CFAP47: variants seen among roughly 807,000 people sequenced by gnomAD.
The protein encoded by CFAP47 is cilia- and flagella-associated protein 47.
CFAP47 carries 29 observed loss-of-function variants against 148.1 expected under a neutral mutation model. The ratio of observed to expected loss-of-function variants is 0.20; its 90% CI spans 0.15 to 0.27. The LOEUF is 0.27. Among genes scored for constraint, CFAP47 ranks in the 10% least tolerant of loss-of-function variants. The probability of loss-of-function intolerance (pLI) is 1.00; values close to 1 mark genes in which losing one functional copy is unlikely to be tolerated. For missense variants in CFAP47, 1,872 were observed against 1,697.5 expected (o/e 1.10, Z -1.81); for synonymous variants, 664 against 577.3 (o/e 1.15, Z -2.15).
chrX:36,081,271 C>T (rs1937976770), intron 29 of CFAP47, among the ~76,000 whole-genome samples: 1 of 111,236 alleles, frequency 9.0e-6, no homozygotes, highest in African/African-American at 3.3e-5. Context: ...TTCCTGGAAG[C>T]ACACATCCTC....
intron 33 of CFAP47, among the ~76,000 whole-genome samples, chrX:36,119,048 T>A (rs1467564698): frequency 8.9e-6 from 1 of 111,856 alleles, no homozygotes; most frequent in Non-Finnish European, 1.9e-5. Context: ...CTTTACCAAT[T>A]TGGATGCTTA....
intron 18 of CFAP47, among the ~76,000 whole-genome samples, chrX:35,996,147 T>A (rs778826158): frequency 1.8e-5 from 2 of 110,898 alleles, no homozygotes; most frequent in Non-Finnish European, 3.8e-5. Flanking sequence ...GCCAGGAGTT[T>A]TGGATGAATA....
At chrX:36,229,632 T>C (rs1433424991) in intron 46 of CFAP47, among the ~76,000 whole-genome samples, 1 of 110,767 alleles carries the variant, frequency 9.0e-6, no homozygotes, top group African/African-American at 3.3e-5. Context: ...TATTATACTT[T>C]AGGTTTTAGG....
At chrX:36,089,576 T>C (rs942021768) in intron 30 of CFAP47, among the ~76,000 whole-genome samples, 15 of 111,010 alleles carry the variant, frequency 1.4e-4, no homozygotes, top group African/African-American at 4.9e-4. Context: ...GATATAGGCT[T>C]ATATTCCAAC....
intron 57 of CFAP47, among the ~76,000 whole-genome samples, chrX:36,327,896 G>T (rs1330466647): frequency 2.7e-5 from 3 of 110,855 alleles, no homozygotes; most frequent in Admixed American, 9.6e-5. Context: ...TTATAAGTGG[G>T]AGAGAAACAT....
At chrX:36,096,208 C>G (rs1452102421) in intron 30 of CFAP47, among the ~76,000 whole-genome samples, 1 of 111,125 alleles carries the variant, frequency 9.0e-6, no homozygotes, top group Non-Finnish European at 1.9e-5. Flanking sequence ...TCAGAAGATG[C>G]TTGATATAAT....
At chrX:36,134,630 C>A (rs746842590) in intron 33 of CFAP47, among the ~76,000 whole-genome samples, 1 of 111,227 alleles carries the variant, frequency 9.0e-6, no homozygotes, top group South Asian at 3.7e-4. Flanking sequence ...CTAAAATTAT[C>A]TCAAAGTAGA....
At chrX:36,373,696 G>A (rs782534878) in intron 62 of CFAP47, among the ~76,000 whole-genome samples, 1 of 111,784 alleles carries the variant, frequency 8.9e-6, no homozygotes, top group South Asian at 3.7e-4. Context: ...TGATTATGAT[G>A]TTAGCAGTAG....
intron 62 of CFAP47, among the ~76,000 whole-genome samples, chrX:36,374,624 T>C (rs1186417106): frequency 9.0e-6 from 1 of 111,445 alleles, no homozygotes; most frequent in Non-Finnish European, 1.9e-5. Context: ...AAGTGGCTTA[T>C]TTTGAGATCT....
At chrX:36,313,333 G>A (rs782046993) in intron 56 of CFAP47, among the ~76,000 whole-genome samples, 18 of 110,164 alleles carry the variant, frequency 1.6e-4, no homozygotes, top group South Asian at 1.6e-3. Context: ...GTTACATGAC[G>A]GCAGGGAAGA....
chrX:36,050,936 G>A (rs898274763), intron 26 of CFAP47, among the ~76,000 whole-genome samples: 1 of 112,440 alleles, frequency 8.9e-6, no homozygotes, highest in Non-Finnish European at 1.9e-5. Flanking sequence ...CTTAGGCCAT[G>A]GCTTCAGAGG....
intron 46 of CFAP47, among the ~76,000 whole-genome samples, chrX:36,230,968 A>G (rs1436414664): frequency 7.7e-5 from 8 of 104,368 alleles, no homozygotes; most frequent in Admixed American, 3.1e-4. Context: ...CCATTGATCA[A>G]TATCTCTGTT....
intron 39 of CFAP47, among the ~76,000 whole-genome samples, chrX:36,166,975 G>T (rs1012057411): frequency 1.8e-5 from 2 of 111,463 alleles, no homozygotes; most frequent in East Asian, 2.8e-4. Context: ...TGCGTGGGGT[G>T]GGGGTGGATA....
chrX:36,109,726 G>A (rs1009119811), intron 33 of CFAP47, among the ~76,000 whole-genome samples: 2 of 111,323 alleles, frequency 1.8e-5, no homozygotes, highest in Admixed American at 9.5e-5. Context: ...CACCCACATC[G>A]GCCTCCCACA....
At chrX:36,123,943 A>G (rs1438112186) in intron 33 of CFAP47, among the ~76,000 whole-genome samples, 1 of 111,217 alleles carries the variant, frequency 9.0e-6, no homozygotes, top group East Asian at 2.9e-4. Context: ...GTTCCTCAAC[A>G]TTGTACCTGG....
intron 42 of CFAP47, among the ~76,000 whole-genome samples, chrX:36,190,625 T>A (rs1323589502): frequency 2.7e-5 from 3 of 112,274 alleles, no homozygotes; most frequent in African/African-American, 9.7e-5. Flanking sequence ...GAGGTTCAAC[T>A]GAGGAAGGAT....
At chrX:36,123,198 G>A (rs1224343721) in intron 33 of CFAP47, among the ~76,000 whole-genome samples, 1 of 112,417 alleles carries the variant, frequency 8.9e-6, no homozygotes, top group Non-Finnish European at 1.9e-5. Flanking sequence ...TAAGGGTGTA[G>A]TGACACAGAC....
chrX:35,935,350 G>A (rs899073468), intron 2 of CFAP47, among the ~76,000 whole-genome samples: 1 of 111,543 alleles, frequency 9.0e-6, no homozygotes, highest in South Asian at 3.7e-4. Context: ...TGACAGGGCA[G>A]CAGTGAGTTC....
At chrX:36,292,870 T>A (rs889903506) in intron 51 of CFAP47, among the ~76,000 whole-genome samples, 1 of 111,543 alleles carries the variant, frequency 9.0e-6, no homozygotes, top group Admixed American at 9.6e-5. Context: ...TGCTTTATTA[T>A]TTAGTTAAAA....
Sources: allele counts gnomAD v4.1 joint callset (sites outside exome capture counted in the v4.1 genomes callset), GRCh38; gene constraint gnomAD v4.1.1; transcripts MANE v1.5; gene names NCBI Gene and HGNC (gene_info 2026-07-23, HGNC 2026-07-21).